Variants in STX10 observed in about 807,000 individuals in gnomAD.
STX10 encodes syntaxin 10, also known as syntaxin-10.
A neutral mutation model predicts 34.1 loss-of-function variants in STX10; 35 were observed. The observed-to-expected ratio is 1.03, with a 90% CI of 0.78 to 1.36. The LOEUF (loss-of-function observed/expected upper bound fraction) is 1.36, where lower values mean the gene tolerates loss of function less well. Ranked by LOEUF, STX10 falls within the 40% of genes most tolerant of loss-of-function variation. STX10 has a pLI of 0.00. For synonymous variants in STX10, 155 were observed against 132.9 expected (o/e 1.17, Z -1.15); for missense variants, 361 against 335.5 (o/e 1.08, Z -0.59).
intron 4 of STX10, among the ~76,000 whole-genome samples, chr19:13,146,585 G>C (rs967560926): frequency 4.6e-5 from 7 of 151,848 alleles, no homozygotes; most frequent in African/African-American, 1.7e-4. Flanking sequence ...CTGTCACCTA[G>C]GCTGGAGTGC....
chr19:13,150,200 C>T lies in STX10; in HGVS notation c.-27G>A, dbSNP rs906883357. ...TCAGTCCCTTCCCCCCCAGGCCGAACCCCCCTCCCGGCCTGGGTTCGCGGG... is the reference window on the plus strand; with the variant it reads ...TCAGTCCCTTCCCCCCCAGGCCGAATCCCCCTCCCGGCCTGGGTTCGCGGG... On this transcript the variant is annotated 5_prime_UTR_variant, in exon 1 of 8. Coordinates refer to ENST00000587230, the MANE Select transcript of STX10 (RefSeq NM_003765.3). The surrounding 1 kb of genome is among the most constrained non-coding windows in gnomAD (Gnocchi z 4.0). 1.5e-5 allele frequency: 14 copies of T among 913,074 alleles called. No individual in the cohort carries two copies. Among genetic ancestry groups the T allele is most frequent in the Non-Finnish European group, 1.8e-5 (10 of 564,364 alleles). The allele number at this position is 913,074 out of a possible 1,614,324, so 56.6% of individuals were successfully genotyped here.
intron 4 of STX10, among the ~76,000 whole-genome samples, chr19:13,148,498 C>A (rs2019960465): frequency 8.3e-6 from 1 of 119,944 alleles, no homozygotes; most frequent in Non-Finnish European, 1.7e-5. Flanking sequence ...AGTGAAACTC[C>A]ATCTCAAAAA....
At chr19:13,147,843 G>A (rs1364647593) in intron 4 of STX10, among the ~76,000 whole-genome samples, 2 of 140,878 alleles carry the variant, frequency 1.4e-5, no homozygotes, top group East Asian at 4.3e-4. Context: ...GCAGTGAGCC[G>A]AGATCACGTC....
At position 13,144,478 on chromosome 19, in the gene STX10, G is replaced by A. The variant is rs557253597; in HGVS notation, c.682C>T (p.Gln228Ter). 5 of 1,613,580 alleles carry A rather than the reference G, an allele frequency of 3.1e-6. No individual in the cohort carries two copies. Among genetic ancestry groups the A allele is most frequent in the South Asian group, 2.2e-5 (2 of 90,946 alleles). The stretch of plus-strand genomic sequence containing the variant: ...ACTAGCACGGCGATGGCACACCACT[G>A]TCGGCGGTCTGGGAACGAGAAGGTC... ...KVSHMTSDRR[Q>*]WCAIAVLVGV... is the part of the protein sequence containing the mutation. The change falls in exon 8 of 8, where the codon CAG becomes TAG. Residue 228 changes from glutamine to a stop codon, truncating the protein, a stop_gained. Transcript: ENST00000587230. LOFTEE classifies it low-confidence loss of function (END_TRUNC).
At chr19:13,147,356 C>A (rs1366098405) in intron 4 of STX10, among the ~76,000 whole-genome samples, 1 of 151,476 alleles carries the variant, frequency 6.6e-6, no homozygotes, top group Admixed American at 6.6e-5. Context: ...TCCCAGCTAC[C>A]CAGGAGGCTG....
Position 13,150,273 on chromosome 19 carries a change from T to TA in STX10, c.-101_-100insT. 3 of 656,428 alleles carry TA rather than the reference T, an allele frequency of 4.6e-6. No individual in the cohort carries two copies. The highest frequency in any genetic ancestry group is 5.2e-5 in the Admixed American group (2 of 38,780). The allele number at this position is 656,428 out of a possible 1,614,324, so 40.7% of individuals were successfully genotyped here. The stretch of plus-strand genomic sequence containing the variant: ...GAACGCGCCGCCACCCCCGCCCCCG[T>TA]CACGCCACCATCGAGAGCCGGACCG... On this transcript the variant is annotated 5_prime_UTR_variant, in exon 1 of 8. It removes the in-frame stop codon of an upstream open reading frame in the 5' UTR. Coordinates refer to ENST00000587230, the MANE Select transcript of STX10 (RefSeq NM_003765.3). This position sits in a 1 kb window ranked among gnomAD's most constrained non-coding sequence, Gnocchi z 4.0.
In STX10 at chr19:13,149,759, C is replaced by G. The variant is rs374079304; in HGVS notation, c.174G>C (p.Glu58Asp). 5.8e-5 allele frequency: 93 copies of G among 1,613,990 alleles called. No individual in the cohort carries two copies. In the Middle Eastern group the frequency reaches 1.2e-3, roughly 20 times the overall value. ...TCTCTTCCAGGTCCTCGAGGTCCCA[C>G]TCGATGCTGCGCAGGCCATTCCGCA... ...NELRNGLRSI[E>D]WDLEDLEETI... Residue 58 changes from glutamate to aspartate, a missense_variant, in exon 2 of 8, where the codon GAG becomes GAC. Physicochemically the swap from Glu to Asp is conservative, Grantham distance 45. Transcript: ENST00000587230.
chr19:13,149,149 C>T (rs1010902944), intron 3 of STX10, 58 bp from the exon 4 acceptor site: 3 of 1,462,160 alleles, frequency 2.1e-6, no homozygotes, highest in African/African-American at 2.8e-5. Context: ...CGGTGGCTCA[C>T]GCCTGTAATC....
intron 1 of STX10, 79 bp from the exon 2 acceptor site, chr19:13,149,976 A>C: frequency 6.7e-7 from 1 of 1,496,970 alleles, no homozygotes; most frequent in Non-Finnish European, 9.0e-7. Context: ...GCAAACCCAA[A>C]CGCATGGGGG....
chr19:13,149,824 C>T lies in STX10; in HGVS notation c.109G>A (p.Ala37Thr). ...RWCELLQESA[A>T]VGREELDWTT... is the part of the protein sequence containing the mutation. ...CAGTCCAGCTCCTCGCGTCCGACCG[C>T]CGCGCTTTCCTGCAGGAGCTCGCAC... is the stretch of plus-strand genomic sequence containing the variant. Residue 37 changes from alanine (A) to threonine (T), a missense_variant, in exon 2 of 8, where the codon GCG (alanine) becomes ACG (threonine). Ala to Thr is a moderately conservative substitution (Grantham distance 58, BLOSUM62 0). Coordinates refer to ENST00000587230, the MANE Select transcript of STX10 (RefSeq NM_003765.3). 6.2e-7 allele frequency: 1 copy of T among 1,613,744 alleles called. No individual in the cohort carries two copies. The highest frequency in any genetic ancestry group is 8.5e-7 in the Non-Finnish European group (1 of 1,180,004).
In STX10 at chr19:13,149,785, G is replaced by A. The variant is rs1284401813; in HGVS notation, c.148C>T (p.Leu50=). ...REELDWTTNE[L]RNGLRSIEWD... The stretch of plus-strand genomic sequence containing the variant: ...TCGATGCTGCGCAGGCCATTCCGCA[G>A]CTCATTGGTCGTCCAGTCCAGCTCC... The change falls in exon 2 of 8, where the codon CTG becomes TTG. Residue 50 remains leucine, a synonymous_variant. Coordinates refer to ENST00000587230, the MANE Select transcript of STX10 (RefSeq NM_003765.3). 1 of 1,614,148 alleles carries A rather than the reference G, an allele frequency of 6.2e-7. No individual in the cohort carries two copies. Among genetic ancestry groups the A allele is most frequent in the African/African-American group, 1.3e-5 (1 of 75,068 alleles).
At position 13,149,210 on chromosome 19, in the gene STX10, G is replaced by C. The variant is rs1185645817; in HGVS notation, c.301-119C>G. Reference sequence around the variant, plus strand: ...GTGGATCACCTGAGGTCAGGAGTTCGAGACCAGCCTGATCAACATGGTGAA... The same window carrying C: ...GTGGATCACCTGAGGTCAGGAGTTCCAGACCAGCCTGATCAACATGGTGAA... On this transcript the variant is annotated intron_variant, in intron 3 of 7. Coordinates refer to ENST00000587230, the MANE Select transcript of STX10 (RefSeq NM_003765.3). 8.1e-6 allele frequency: 7 copies of C among 866,540 alleles called. No homozygotes were observed. The East Asian group carries it at 1.1e-4, about 13-fold the overall frequency. 53.7% of individuals were successfully genotyped at this position (866,540 alleles called of 1,614,324 possible).
At position 13,144,464 on chromosome 19, in the gene STX10, G is replaced by C. The variant is rs201878838; in HGVS notation, c.696C>G (p.Ile232Met). ...MTSDRRQWCA[I>M]AVLVGVLLLV... Reference sequence around the variant, plus strand: ...GGAGAAGCACCCCCACTAGCACGGCGATGGCACACCACTGTCGGCGGTCTG... The same window carrying C: ...GGAGAAGCACCCCCACTAGCACGGCCATGGCACACCACTGTCGGCGGTCTG... Residue 232 changes from isoleucine (I) to methionine (M), a missense_variant, in exon 8 of 8, where the codon ATC becomes ATG. Physicochemically the swap from Ile to Met is conservative, Grantham distance 10. Transcript: ENST00000587230. The C allele has an allele frequency of 6.2e-7, 1 of 1,613,274 alleles. No individual in the cohort carries two copies. Among genetic ancestry groups the C allele is most frequent in the Non-Finnish European group, 8.5e-7 (1 of 1,179,844 alleles).
In STX10 at chr19:13,144,423, AG is replaced by A. The variant is rs758355474; in HGVS notation, c.736del (p.Leu246TyrfsTer42). The A allele has an allele frequency of 1.4e-3, 2,295 of 1,611,064 alleles. 8 individuals carry two copies. The highest frequency in any genetic ancestry group is 1.4e-3 in the Non-Finnish European group (1,703 of 1,179,106). ...GGAGGGCTGGGGTCAGAGAGAGAAT[AG>A]TAAGATGAGAACGAGGAGAAGCACC... The part of the protein sequence containing the change: ...VGVLLLVLIL[L>X]FSL On this transcript the variant is annotated frameshift_variant, in exon 8 of 8. Coordinates refer to ENST00000587230, the MANE Select transcript of STX10 (RefSeq NM_003765.3). LOFTEE classifies it high-confidence loss of function.
At chr19:13,147,827 G>A (rs2019936185) in intron 4 of STX10, among the ~76,000 whole-genome samples, 2 of 149,190 alleles carry the variant, frequency 1.3e-5, no homozygotes, top group South Asian at 2.1e-4. Context: ...CCGGGAGGCG[G>A]AGGCTGCAGT....
chr19:13,149,094 G>A lies in STX10; in HGVS notation c.301-3C>T, dbSNP rs372795402. 9.5e-5 allele frequency: 152 copies of A among 1,592,084 alleles called. No individual in the cohort carries two copies. The highest frequency in any genetic ancestry group is 1.2e-4 in the Non-Finnish European group (146 of 1,169,010). ...CTGACCATATGGTCCTTCATTTCCT[G>A]GAGGTAAGGACAGCATTAGGGAGGA... On this transcript the variant is annotated splice_polypyrimidine_tract_variant and splice_region_variant and intron_variant, in intron 3 of 7. Coordinates refer to ENST00000587230, the MANE Select transcript of STX10 (RefSeq NM_003765.3).
rs537933747 is a variant in STX10, at chr19:13,147,349, C to G, written c.363+1680G>C. On this transcript the variant is annotated intron_variant, in intron 4 of 7. Transcript: ENST00000587230. ...GCATGGTGGCACACTCCTGTTGTCC[C>G]AGCTACCCAGGAGGCTGAGGCAGGA... 4.3e-4 allele frequency among the ~76,000 whole-genome samples: 66 copies of G among 152,020 alleles called. No homozygotes were observed. In the Middle Eastern group the frequency reaches 0.027, roughly 63 times the overall value.
chr19:13,146,798 C>T (rs976535038), intron 4 of STX10, among the ~76,000 whole-genome samples: 13 of 152,178 alleles, frequency 8.5e-5, no homozygotes, highest in Admixed American at 3.9e-4. Context: ...GCCTGGGCCT[C>T]CCAAAGTGCT....
chr19:13,144,716 C>A, intron 6 of STX10, 45 bp from the exon 7 acceptor site: 1 of 1,613,018 alleles, frequency 6.2e-7, no homozygotes, highest in Non-Finnish European at 8.5e-7. Flanking sequence ...CCCAGACACA[C>A]CAGGGTGGCC....
Sources: allele counts gnomAD v4.1 joint callset (sites outside exome capture counted in the v4.1 genomes callset), GRCh38; gene constraint gnomAD v4.1.1; non-coding constraint Gnocchi (gnomAD v3.1); transcripts MANE v1.5; gene names NCBI Gene and HGNC (gene_info 2026-07-23, HGNC 2026-07-21).